The following PTPRM variants were observed in gnomAD, a reference collection of about 807,000 sequenced individuals.
PTPRM encodes protein tyrosine phosphatase receptor type M.
In PTPRM, 47 loss-of-function variants were observed where a neutral mutation model predicts 186.7. That is an observed-to-expected ratio of 0.25 (90% CI 0.20 to 0.32). The LOEUF (loss-of-function observed/expected upper bound fraction) is 0.32, where lower values mean the gene tolerates loss of function less well. Ranked by LOEUF, PTPRM falls within the 10% of genes least tolerant of loss-of-function variation. The pLI is 1.00. For synonymous variants in PTPRM, 668 were observed against 674.9 expected, an observed-to-expected ratio of 0.99 and a Z score of 0.16; for missense variants, 1,494 against 1,865.0, an observed-to-expected ratio of 0.80 and a Z score of 3.66.
intron 2 of PTPRM, among the ~76,000 whole-genome samples, chr18:7,847,989 CA>C (rs1430678389): frequency 1.3e-5 from 2 of 152,054 alleles, no homozygotes; most frequent in Admixed American, 6.6e-5. Flanking sequence ...GAGAAATGGG[CA>C]AAGCAAAACT....
intron 7 of PTPRM, among the ~76,000 whole-genome samples, chr18:7,982,740 G>A (rs896746486): frequency 1.3e-5 from 2 of 152,064 alleles, no homozygotes; most frequent in Non-Finnish European, 2.9e-5. Context: ...GTGCTATGAC[G>A]TTAGGACAGC....
chr18:7,643,675 A>AT, intron 1 of PTPRM, among the ~76,000 whole-genome samples: 1 of 151,906 alleles, frequency 6.6e-6, no homozygotes, highest in African/African-American at 2.4e-5. Flanking sequence ...TTTCTTCTCT[A>AT]TTTTTTTGGG....
intron 19 of PTPRM, among the ~76,000 whole-genome samples, chr18:8,274,722 G>A (rs770040256): frequency 7.2e-5 from 11 of 152,144 alleles, no homozygotes; most frequent in Non-Finnish European, 1.5e-4. Flanking sequence ...TTGCACCACC[G>A]TAAGTACCAG....
At chr18:8,128,747 C>T (rs180679029) in intron 13 of PTPRM, among the ~76,000 whole-genome samples, 191 of 152,138 alleles carry the variant, frequency 1.3e-3, no homozygotes, top group African/African-American at 4.3e-3. Flanking sequence ...ATTTCAGAAA[C>T]AATATATTTT....
At chr18:7,790,597 A>G (rs2043294793) in intron 2 of PTPRM, among the ~76,000 whole-genome samples, 1 of 152,240 alleles carries the variant, frequency 6.6e-6, no homozygotes, top group Non-Finnish European at 1.5e-5. Context: ...TGATTCACTT[A>G]TATCTATTTT....
At chr18:7,671,041 T>G (rs901872989) in intron 1 of PTPRM, among the ~76,000 whole-genome samples, 3 of 152,364 alleles carry the variant, frequency 2.0e-5, no homozygotes, top group Non-Finnish European at 4.4e-5. Flanking sequence ...AACAAGAAAT[T>G]GTTGTTTAAA....
rs1329217346 is a variant in PTPRM, at chr18:8,113,697, A to G, written c.2068A>G (p.Thr690Ala). 2 of 1,613,540 alleles carry G rather than the reference A, an allele frequency of 1.2e-6. No homozygotes were observed. The highest frequency in any genetic ancestry group is 4.5e-5 in the East Asian group (2 of 44,838). Residue 690 changes from threonine (T) to alanine (A), a missense_variant, in exon 12 of 33, where the codon ACT becomes GCT. Thr to Ala is a moderately conservative substitution (Grantham distance 58). Coordinates refer to ENST00000580170, the MANE Select transcript of PTPRM (RefSeq NM_001105244.2). ...TAAGACATATAATGGATACTGGAACACTCCCCTTCTCCCCTATAAAAGCTA... is the reference window on the plus strand; with the variant it reads ...TAAGACATATAATGGATACTGGAACGCTCCCCTTCTCCCCTATAAAAGCTA... Reference protein sequence around the residue: ...DNKTYNGYWNTPLLPYKSYRI... With the variant: ...DNKTYNGYWNAPLLPYKSYRI...
rs766195551 is a variant in PTPRM at position 7,949,163 on chromosome 18, C to A, written c.664-18C>A. 3 of 1,573,884 alleles carry A rather than the reference C, an allele frequency of 1.9e-6. No homozygotes were observed. Among genetic ancestry groups the A allele is most frequent in the African/African-American group, 1.3e-5 (1 of 74,104 alleles). On this transcript the variant is annotated intron_variant, in intron 5 of 32. Coordinates refer to ENST00000580170, the MANE Select transcript of PTPRM (RefSeq NM_001105244.2). ...CTTATATTGCTTCTTTTTGTCCTCC[C>A]CACCCCACTTGATACAGGGCATTGA... is the stretch of plus-strand genomic sequence containing the variant.
chr18:8,376,710 C>CAGA, intron 26 of PTPRM, 113 bp downstream of exon 26: 1 of 1,295,492 alleles, frequency 7.7e-7, no homozygotes, highest in Admixed American at 2.7e-5. Context: ...TTCAAGTGAT[C>CAGA]TACCTGGCAT....
intron 20 of PTPRM, among the ~76,000 whole-genome samples, chr18:8,300,526 G>A (rs1252385918): frequency 6.6e-6 from 1 of 151,154 alleles, no homozygotes; most frequent in Non-Finnish European, 1.5e-5. Context: ...AAATCAGCAT[G>A]TTGAAGTCTC....
intron 1 of PTPRM, among the ~76,000 whole-genome samples, chr18:7,697,386 C>T (rs919990484): frequency 1.3e-5 from 2 of 152,134 alleles, no homozygotes; most frequent in African/African-American, 2.4e-5. Flanking sequence ...GAATCCTAGA[C>T]TATAAACAAA....
At chr18:8,272,556 A>C (rs1442876641) in intron 19 of PTPRM, among the ~76,000 whole-genome samples, 1 of 152,100 alleles carries the variant, frequency 6.6e-6, no homozygotes, top group Non-Finnish European at 1.5e-5. Flanking sequence ...TATTTGACCC[A>C]TGAATTATTT....
At chr18:8,077,892 T>G (rs1417569559) in intron 9 of PTPRM, among the ~76,000 whole-genome samples, 1 of 152,198 alleles carries the variant, frequency 6.6e-6, no homozygotes, top group Non-Finnish European at 1.5e-5. Flanking sequence ...GGTAAGTCAC[T>G]TTAACATGAA....
chr18:8,040,695 G>A lies in PTPRM; in HGVS notation c.1133-28991G>A, dbSNP rs139443773. Among the ~76,000 whole-genome samples the A allele has an allele frequency of 3.9e-5, 6 of 152,264 alleles. No individual in the cohort carries two copies. In the East Asian group the frequency reaches 5.8e-4, roughly 15 times the overall value. On this transcript the variant is annotated intron_variant, in intron 7 of 32. Coordinates refer to ENST00000580170, the MANE Select transcript of PTPRM (RefSeq NM_001105244.2). Reference sequence around the variant, plus strand: ...TAAAACAGTAAACATATAATTGTTCGATGAGAGAGCTATTTCTGTTCATTC... The same window carrying A: ...TAAAACAGTAAACATATAATTGTTCAATGAGAGAGCTATTTCTGTTCATTC...
At chr18:7,834,491 T>TACACACACACACATACACACACAC (rs1555613393) in intron 2 of PTPRM, among the ~76,000 whole-genome samples, 2 of 84,604 alleles carry the variant, frequency 2.4e-5, no homozygotes, top group Non-Finnish European at 4.7e-5. Context: ...TATACAAGTA[T>TACACACACACACATACACACACAC]ACACACACAC....
chr18:7,926,148 TTGACAACA>T (rs1303988748), intron 4 of PTPRM, among the ~76,000 whole-genome samples: 1 of 152,228 alleles, frequency 6.6e-6, no homozygotes, highest in African/African-American at 2.4e-5. Flanking sequence ...AAAAGCTTCC[TTGACAACA>T]TCATTTAACT....
chr18:8,195,300 G>A (rs2093762059), intron 14 of PTPRM, among the ~76,000 whole-genome samples: 1 of 151,952 alleles, frequency 6.6e-6, no homozygotes, highest in South Asian at 2.1e-4. Context: ...AGTATAAGGT[G>A]AACCCAGTGA....
At chr18:7,600,014 G>A (rs1287505758) in intron 1 of PTPRM, among the ~76,000 whole-genome samples, 7 of 152,190 alleles carry the variant, frequency 4.6e-5, no homozygotes, top group African/African-American at 1.7e-4. Flanking sequence ...TGTAAAGTCA[G>A]TTGCTCTCTT....
At chr18:7,613,039 G>T (rs746224993) in intron 1 of PTPRM, among the ~76,000 whole-genome samples, 1 of 152,218 alleles carries the variant, frequency 6.6e-6, no homozygotes, top group East Asian at 1.9e-4. Flanking sequence ...GGAAACCAGC[G>T]TCCCATCTGT....
Sources: allele counts gnomAD v4.1 joint callset (sites outside exome capture counted in the v4.1 genomes callset), GRCh38; gene constraint gnomAD v4.1.1; transcripts MANE v1.5; gene names NCBI Gene and HGNC (gene_info 2026-07-23, HGNC 2026-07-21).